Variants in SFXN5 observed in about 807,000 individuals in gnomAD.
The protein encoded by SFXN5 is sideroflexin 5.
Under a neutral mutation model 50.2 loss-of-function variants are expected in SFXN5, and 43 were observed. The observed-to-expected ratio is 0.86, with a 90% confidence interval of 0.67 to 1.11. The LOEUF (loss-of-function observed/expected upper bound fraction) is 1.11. Ranked by LOEUF, SFXN5 falls within the 50% of genes least tolerant of loss-of-function variation. SFXN5 has a pLI of 0.00. For missense variants in SFXN5, 463 were observed against 454.1 expected, an observed-to-expected ratio of 1.02 and a Z score of -0.18; for synonymous variants, 203 against 185.8, an observed-to-expected ratio of 1.09 and a Z score of -0.75.
At chr2:72,952,618 C>A (rs1679008397) in intron 13 of SFXN5, among the ~76,000 whole-genome samples, 1 of 152,196 alleles carries the variant, frequency 6.6e-6, no homozygotes, top group African/African-American at 2.4e-5. Flanking sequence ...CATTTTGGAG[C>A]TTTGCACCAT....
At chr2:73,050,176 T>C (rs1260450641) in intron 2 of SFXN5, among the ~76,000 whole-genome samples, 1 of 152,070 alleles carries the variant, frequency 6.6e-6, no homozygotes, top group African/African-American at 2.4e-5. Context: ...CACATTGAGG[T>C]TGCATTCCTG....
At chr2:73,062,281 T>C (rs1166035194) in intron 1 of SFXN5, among the ~76,000 whole-genome samples, 1 of 152,036 alleles carries the variant, frequency 6.6e-6, no homozygotes, top group African/African-American at 2.4e-5. Context: ...AATCCATGAG[T>C]GGGCTGATGA....
chr2:73,019,431 C>CTTTT (rs747092987), intron 6 of SFXN5: 1 of 123,484 alleles, frequency 8.1e-6, no homozygotes, highest in Non-Finnish European at 1.7e-5. Context: ...TTTTTTTTTT[C>CTTTT]TTTTTTTTTT....
chr2:72,999,567 A>C (rs1317163044), intron 8 of SFXN5, among the ~76,000 whole-genome samples: 1 of 151,890 alleles, frequency 6.6e-6, no homozygotes, highest in Non-Finnish European at 1.5e-5. Flanking sequence ...CTACAACTGC[A>C]GGTCTAGAAG....
intron 1 of SFXN5, among the ~76,000 whole-genome samples, chr2:73,061,361 T>A (rs898598074): frequency 2.0e-5 from 3 of 147,318 alleles, no homozygotes. Flanking sequence ...GATGAATGAA[T>A]ACAACCTATT....
At chr2:72,990,774 G>A (rs1672496766) in intron 9 of SFXN5, among the ~76,000 whole-genome samples, 1 of 152,224 alleles carries the variant, frequency 6.6e-6, no homozygotes, top group Non-Finnish European at 1.5e-5. Context: ...AGGGTGCTAT[G>A]ACTTTCCCAT....
intron 9 of SFXN5, chr2:72,997,008 A>C (rs1673335315): frequency 6.6e-6 from 1 of 152,242 alleles, no homozygotes; most frequent in Non-Finnish European, 1.5e-5. Context: ...CCAAGTCCCC[A>C]GTATCAGGGA....
intron 13 of SFXN5, among the ~76,000 whole-genome samples, chr2:72,952,114 C>A (rs1672600084): frequency 6.6e-6 from 1 of 152,240 alleles, no homozygotes; most frequent in Non-Finnish European, 1.5e-5. Context: ...TGGCTCTGGG[C>A]TCCCACTACC....
At chr2:72,984,317 T>C (rs561967973) in intron 10 of SFXN5, among the ~76,000 whole-genome samples, 1 of 152,238 alleles carries the variant, frequency 6.6e-6, no homozygotes, top group Non-Finnish European at 1.5e-5. Flanking sequence ...ACTCAGCACA[T>C]GTGCCTGCAC....
intron 2 of SFXN5, among the ~76,000 whole-genome samples, chr2:73,042,919 T>C (rs1679836561): frequency 6.6e-6 from 1 of 151,716 alleles, no homozygotes; most frequent in African/African-American, 2.4e-5. Context: ...TACAAAAAAA[T>C]TAGCCAGGTG....
At chr2:73,055,239 G>A (rs911845416) in intron 2 of SFXN5, among the ~76,000 whole-genome samples, 1 of 152,228 alleles carries the variant, frequency 6.6e-6, no homozygotes, top group African/African-American at 2.4e-5. Context: ...TGTAATCTCG[G>A]GCAAGTTCCC....
chr2:72,996,064 C>T (rs1393530119), intron 9 of SFXN5, among the ~76,000 whole-genome samples: 2 of 152,168 alleles, frequency 1.3e-5, no homozygotes, highest in African/African-American at 2.4e-5. Flanking sequence ...CCATGGTGCC[C>T]GTCCCTGGTT....
intron 10 of SFXN5, among the ~76,000 whole-genome samples, chr2:72,986,705 T>A (rs1671965792): frequency 6.6e-6 from 1 of 152,206 alleles, no homozygotes; most frequent in Non-Finnish European, 1.5e-5. Flanking sequence ...CTCCTTCCAC[T>A]ATTTTGCCCT....
chr2:73,017,208 C>CA (rs954976025), intron 6 of SFXN5, among the ~76,000 whole-genome samples: 10 of 151,532 alleles, frequency 6.6e-5, no homozygotes, highest in Non-Finnish European at 1.0e-4. Context: ...TTTATTCTTA[C>CA]AAAAAAAATA....
intron 6 of SFXN5, 26 bp from the exon 7 acceptor site, chr2:73,001,604 G>A: frequency 1.2e-6 from 2 of 1,611,934 alleles, no homozygotes; most frequent in Non-Finnish European, 1.7e-6. Flanking sequence ...AAGAAATGCT[G>A]AAAAAGGCAG....
chr2:73,056,414 A>G (rs1393040071), intron 2 of SFXN5, among the ~76,000 whole-genome samples: 1 of 151,858 alleles, frequency 6.6e-6, no homozygotes, highest in African/African-American at 2.4e-5. Flanking sequence ...GGCCAGGCGC[A>G]GTGGCTTACG....
intron 2 of SFXN5, among the ~76,000 whole-genome samples, chr2:73,044,301 A>C (rs570476773): frequency 2.6e-5 from 4 of 152,216 alleles, no homozygotes; most frequent in Admixed American, 6.5e-5. Flanking sequence ...GGACTGAAGG[A>C]AGCTGGAACC....
chr2:73,040,319 G>GT (rs1679459725), intron 3 of SFXN5, among the ~76,000 whole-genome samples: 3 of 151,820 alleles, frequency 2.0e-5, no homozygotes, highest in Admixed American at 2.0e-4. Flanking sequence ...AACATTTCAG[G>GT]TATCTCTAAT....
Position 72,953,874 on chromosome 2 carries a change from T to C in SFXN5, c.945+7257A>G, listed in dbSNP as rs542657336. The stretch of plus-strand genomic sequence containing the variant: ...GTGGCTCACAGCTGTTTAGCCAGGC[T>C]GGTTCATCAAAACCACCATTTTCAT... On this transcript the variant is annotated intron_variant, in intron 13 of 13. Transcript: ENST00000272433. The surrounding 1 kb of genome is among the most constrained non-coding windows in gnomAD (Gnocchi z 4.1). Among the ~76,000 whole-genome samples, 23 of 152,344 alleles carry C rather than the reference T, an allele frequency of 1.5e-4. No individual in the cohort carries two copies. The highest frequency in any genetic ancestry group is 4.8e-4 in the African/African-American group (20 of 41,564).
Sources: allele counts gnomAD v4.1 joint callset (sites outside exome capture counted in the v4.1 genomes callset), GRCh38; gene constraint gnomAD v4.1.1; non-coding constraint Gnocchi (gnomAD v3.1); transcripts MANE v1.5; gene names NCBI Gene and HGNC (gene_info 2026-07-23, HGNC 2026-07-21).